The following ABCB1 variants were observed in gnomAD, a reference collection of about 807,000 sequenced individuals.
ABCB1 encodes ATP-dependent translocase ABCB1.
In ABCB1, 69 loss-of-function variants were observed where a neutral mutation model predicts 142.0. The ratio of observed to expected loss-of-function variants is 0.49; its 90% CI spans 0.40 to 0.59. The LOEUF (loss-of-function observed/expected upper bound fraction) is 0.59. Ranked by LOEUF, ABCB1 falls within the 20% of genes least tolerant of loss-of-function variation. The pLI, the probability that ABCB1 is intolerant of heterozygous loss-of-function variation, is 0.00. For synonymous variants in ABCB1, 532 were observed against 539.2 expected (o/e 0.99, Z 0.18); for missense variants, 1,326 against 1,554.7 (o/e 0.85, Z 2.47).
chr7:87,681,516 TC>T (rs1826926164), intron 1 of ABCB1, among the ~76,000 whole-genome samples: 1 of 150,836 alleles, frequency 6.6e-6, no homozygotes, highest in Non-Finnish European at 1.5e-5. Flanking sequence ...TACACTGTAA[TC>T]TATTAAGTGT....
rs1820536935 is a variant in ABCB1 at position 87,626,367 on chromosome 7, TGTGTCATATGTATG to T, written c.-330-25303_-330-25290del. Among the ~76,000 whole-genome samples, 3 of 31,106 alleles carry T rather than the reference TGTGTCATATGTATG, an allele frequency of 9.6e-5. 1 individual carries two copies. The highest frequency in any genetic ancestry group is 8.2e-4 in the Admixed American group (2 of 2,430). The allele number at this position is 31,106 out of a possible 152,430, so 20.4% of individuals were successfully genotyped here. On this transcript the variant is annotated intron_variant, in intron 1 of 28. Transcript: ENST00000265724. ...GTGTCATATATATGTGTCATATATA[TGTGTCATATGTATG>T]TGTCATATATATGTGTCATATGTAT...
chr7:87,575,531 T>C (rs1818238346), intron 4 of ABCB1, among the ~76,000 whole-genome samples: 1 of 152,202 alleles, frequency 6.6e-6, no homozygotes, highest in African/African-American at 2.4e-5. Context: ...AACTTCCGTT[T>C]TTTTTTCATT....
intron 1 of ABCB1, among the ~76,000 whole-genome samples, chr7:87,683,498 G>A (rs931047453): frequency 6.6e-6 from 1 of 152,066 alleles, no homozygotes; most frequent in African/African-American, 2.4e-5. Flanking sequence ...ATTATTAATT[G>A]GCCTAATTTC....
chr7:87,704,030 C>G (rs1238276326), intron 1 of ABCB1, among the ~76,000 whole-genome samples: 1 of 148,016 alleles, frequency 6.8e-6, no homozygotes, highest in Non-Finnish European at 1.5e-5. Context: ...AAGCAATTCT[C>G]CTGCCTCAAC....
intron 3 of ABCB1, among the ~76,000 whole-genome samples, chr7:87,595,236 T>C (rs1157369719): frequency 6.6e-6 from 1 of 152,166 alleles, no homozygotes; most frequent in Non-Finnish European, 1.5e-5. Flanking sequence ...TTCATCTGTT[T>C]AACACAGGGG....
At chr7:87,539,654 C>T (rs1041491709) in intron 18 of ABCB1, among the ~76,000 whole-genome samples, 1 of 152,140 alleles carries the variant, frequency 6.6e-6, no homozygotes, top group African/African-American at 2.4e-5. Context: ...GAATCCAGAG[C>T]CTGAGCTTTT....
At chr7:87,630,254 A>G (rs1233028262) in intron 1 of ABCB1, among the ~76,000 whole-genome samples, 1 of 152,214 alleles carries the variant, frequency 6.6e-6, no homozygotes. Flanking sequence ...TAATTATTCC[A>G]GGACTTAAAT....
chr7:87,638,331 T>C (rs902551871), intron 1 of ABCB1, among the ~76,000 whole-genome samples: 1 of 142,590 alleles, frequency 7.0e-6, no homozygotes, highest in African/African-American at 2.7e-5. Context: ...TAAAACAAGT[T>C]AGGAAGTATG....
chr7:87,539,383 C>A, intron 18 of ABCB1, 38 bp from the exon 19 acceptor site: 2 of 1,582,818 alleles, frequency 1.3e-6, no homozygotes, highest in Non-Finnish European at 1.7e-6. Flanking sequence ...GACCCAGCCA[C>A]CATTTAAATA....
At chr7:87,610,391 C>T in intron 1 of ABCB1, among the ~76,000 whole-genome samples, 1 of 142,484 alleles carries the variant, frequency 7.0e-6, no homozygotes, top group East Asian at 2.0e-4. Context: ...ACTACCACAC[C>T]TGGCCTTTTT....
intron 1 of ABCB1, among the ~76,000 whole-genome samples, chr7:87,659,687 A>G (rs1468192417): frequency 1.3e-5 from 2 of 152,200 alleles, no homozygotes; most frequent in African/African-American, 2.4e-5. Context: ...AGTCCGGGGT[A>G]TAAGAGGTAA....
intron 7 of ABCB1, among the ~76,000 whole-genome samples, chr7:87,563,646 CA>C (rs1304476902): frequency 1.3e-5 from 2 of 152,136 alleles, no homozygotes; most frequent in Non-Finnish European, 2.9e-5. Context: ...TAAAGGAACA[CA>C]CCTCAAAATA....
chr7:87,664,558 G>T (rs1269850738), intron 1 of ABCB1, among the ~76,000 whole-genome samples: 1 of 151,954 alleles, frequency 6.6e-6, no homozygotes, highest in Non-Finnish European at 1.5e-5. Flanking sequence ...TCTGAGTAGA[G>T]AAATAAAATC....
chr7:87,711,852 CT>C (rs1246031579), intron 1 of ABCB1, among the ~76,000 whole-genome samples: 1 of 152,088 alleles, frequency 6.6e-6, no homozygotes, highest in Non-Finnish European at 1.5e-5. Flanking sequence ...AACTACCGTT[CT>C]TTTTTCTACC....
At chr7:87,668,498 AT>A (rs1279392448) in intron 1 of ABCB1, among the ~76,000 whole-genome samples, 4 of 150,506 alleles carry the variant, frequency 2.7e-5, no homozygotes, top group African/African-American at 9.8e-5. Context: ...TTCAGCTCTG[AT>A]TTTTTTTCTT....
At chr7:87,650,082 G>A (rs190493849) in intron 1 of ABCB1, among the ~76,000 whole-genome samples, 13 of 152,162 alleles carry the variant, frequency 8.5e-5, no homozygotes, top group Admixed American at 5.9e-4. Context: ...TAATGCTCAC[G>A]TCCTATTTTA....
chr7:87,654,383 CAAAT>C (rs1053022181), intron 1 of ABCB1, among the ~76,000 whole-genome samples: 3 of 151,944 alleles, frequency 2.0e-5, no homozygotes, highest in South Asian at 2.1e-4. Flanking sequence ...TAAAAACAGA[CAAAT>C]AAACTAATAG....
intron 1 of ABCB1, among the ~76,000 whole-genome samples, chr7:87,643,012 C>T (rs944865751): frequency 2.6e-5 from 4 of 152,068 alleles, no homozygotes; most frequent in Non-Finnish European, 5.9e-5. Flanking sequence ...AATTCCTGGG[C>T]TCAAGTTGTC....
chr7:87,559,622 T>C (rs192863947), intron 8 of ABCB1, among the ~76,000 whole-genome samples: 83 of 152,290 alleles, frequency 5.5e-4, no homozygotes, highest in Non-Finnish European at 5.9e-4. Flanking sequence ...AGATGTTTAG[T>C]TCTTTAATTT....
Sources: gnomAD v4.1 joint callset for allele counts (sites outside exome capture counted in the v4.1 genomes callset) on GRCh38, gnomAD v4.1.1 for gene constraint, MANE v1.5 for transcripts, NCBI Gene and HGNC (gene_info 2026-07-23, HGNC 2026-07-21) for gene names.